CRISP1: variants seen among roughly 807,000 people sequenced by gnomAD.
CRISP1 encodes the protein cysteine-rich secretory protein 1.
Under a neutral mutation model 33.1 loss-of-function variants are expected in CRISP1, and 44 were observed. The ratio of observed to expected loss-of-function variants is 1.33; its 90% CI spans 1.05 to 1.71. CRISP1 has a LOEUF of 1.71. CRISP1 is among the 40% of genes most tolerant of loss of function. The probability of loss-of-function intolerance (pLI) is 0.00; values close to 1 mark genes in which losing one functional copy is unlikely to be tolerated. For synonymous variants in CRISP1, 103 were observed against 98.7 expected (o/e 1.04, Z -0.26); for missense variants, 390 against 301.2 (o/e 1.29, Z -2.18).
upstream of CRISP1, among the ~76,000 whole-genome samples, chr6:49,867,203 C>T (rs1357759165): frequency 6.6e-6 from 1 of 151,984 alleles, no homozygotes; most frequent in African/African-American, 2.4e-5. Flanking sequence ...TCACAGGACA[C>T]TTAGAACAAA....
In CRISP1 at chr6:49,857,365, A is replaced by G. The variant is rs1023970420; in HGVS notation, c.36T>C (p.Ala12=). The G allele has an allele frequency of 1.2e-5, 19 of 1,613,074 alleles. No individual in the cohort carries two copies. The Admixed American group carries it at 3.0e-4, about 25-fold the overall frequency. The change falls in exon 2 of 8, where the codon GCT becomes GCC. Residue 12 remains alanine (A), a synonymous_variant. Coordinates refer to ENST00000335847, the MANE Select transcript of CRISP1 (RefSeq NM_001131.3). The part of the protein sequence containing the change: ...EIKHLLFLVA[A]ACLLPMLSMK... ...TGGACAACATAGGCAGTAAGCAAGC[A>G]GCAGCAACCAAAAACAAGAGGTGTT...
At chr6:49,844,933 G>T (rs555907935) in intron 5 of CRISP1, among the ~76,000 whole-genome samples, 1 of 152,066 alleles carries the variant, frequency 6.6e-6, no homozygotes, top group African/African-American at 2.4e-5. Flanking sequence ...TAATATTTAG[G>T]TAAGACTTTG....
chr6:49,874,581 T>TCC (rs1771993770), intron 1 of CRISP1, among the ~76,000 whole-genome samples: 1 of 151,996 alleles, frequency 6.6e-6, no homozygotes, highest in Non-Finnish European at 1.5e-5. Flanking sequence ...ATACCAAAAA[T>TCC]TTGGTAGAGA....
intron 1 of CRISP1, among the ~76,000 whole-genome samples, chr6:49,862,450 GTT>G (rs954322623): frequency 6.6e-6 from 1 of 151,492 alleles, no homozygotes; most frequent in Non-Finnish European, 1.5e-5. Flanking sequence ...TTTACATATA[GTT>G]TTTTTTGTCA....
At chr6:49,866,955 G>C (rs991836124), upstream of CRISP1, among the ~76,000 whole-genome samples, 2 of 152,090 alleles carry the variant, frequency 1.3e-5, no homozygotes, top group Non-Finnish European at 2.9e-5. Flanking sequence ...TTTGGTAACT[G>C]TTCTATAATG....
chr6:49,860,236 C>G (rs1007963347), intron 1 of CRISP1, among the ~76,000 whole-genome samples: 1 of 152,104 alleles, frequency 6.6e-6, no homozygotes, highest in Non-Finnish European at 1.5e-5. Context: ...AACAAAGAAA[C>G]ATTGGATTTA....
chr6:49,845,212 G>T (rs1311807193), intron 5 of CRISP1, among the ~76,000 whole-genome samples: 2 of 152,100 alleles, frequency 1.3e-5, no homozygotes, highest in Non-Finnish European at 2.9e-5. Flanking sequence ...TAGGATTTGT[G>T]TCCTTACATG....
At chr6:49,836,418 C>T (rs1770795479) in intron 7 of CRISP1, among the ~76,000 whole-genome samples, 1 of 151,336 alleles carries the variant, frequency 6.6e-6, no homozygotes, top group Non-Finnish European at 1.5e-5. Context: ...TCACTGCAAG[C>T]TCTGCCTCCC....
intron 1 of CRISP1, among the ~76,000 whole-genome samples, chr6:49,862,655 C>T (rs1220609349): frequency 6.6e-6 from 1 of 151,986 alleles, no homozygotes; most frequent in Non-Finnish European, 1.5e-5. Flanking sequence ...TGCATGTTGG[C>T]ATATCCAATG....
intron 1 of CRISP1, among the ~76,000 whole-genome samples, chr6:49,862,315 A>C (rs987120024): frequency 2.0e-5 from 3 of 152,148 alleles, no homozygotes; most frequent in Non-Finnish European, 4.4e-5. Context: ...AAAAACTCTT[A>C]TGAAAGAAAT....
At chr6:49,844,753 C>T (rs951692181) in intron 5 of CRISP1, among the ~76,000 whole-genome samples, 1 of 152,170 alleles carries the variant, frequency 6.6e-6, no homozygotes, top group Admixed American at 6.5e-5. Flanking sequence ...TTGCCTGGGA[C>T]CCATTGCTGC....
intron 1 of CRISP1, among the ~76,000 whole-genome samples, chr6:49,860,857 C>T (rs555107322): frequency 3.5e-4 from 53 of 151,388 alleles, no homozygotes; most frequent in African/African-American, 1.2e-3. Context: ...ACCAATAGGC[C>T]GAGTAACCAA....
intron 1 of CRISP1, among the ~76,000 whole-genome samples, chr6:49,861,973 T>C (rs1015552354): frequency 2.0e-5 from 3 of 152,118 alleles, no homozygotes; most frequent in Non-Finnish European, 4.4e-5. Context: ...GCTGAATGTC[T>C]TTTCTCTAAG....
chr6:49,836,849 A>G (rs907293392), intron 7 of CRISP1, among the ~76,000 whole-genome samples: 11 of 152,140 alleles, frequency 7.2e-5, no homozygotes, highest in Non-Finnish European at 1.3e-4. Flanking sequence ...TTGATAGTGT[A>G]TCTCTGCTTC....
At chr6:49,838,944 C>A (rs1770893671) in intron 6 of CRISP1, among the ~76,000 whole-genome samples, 1 of 152,134 alleles carries the variant, frequency 6.6e-6, no homozygotes, top group African/African-American at 2.4e-5. Flanking sequence ...AGAAGAAAAT[C>A]TCAAGTGAGG....
intron 2 of CRISP1, among the ~76,000 whole-genome samples, chr6:49,855,291 A>ATT (rs1771464153): frequency 6.6e-6 from 1 of 152,124 alleles, no homozygotes; most frequent in Non-Finnish European, 1.5e-5. Flanking sequence ...CGGAGTAAAA[A>ATT]TTTTAAAACA....
rs1345083673 is a variant in CRISP1, at chr6:49,834,750, A to G, written c.*566T>C. ...AATTAATGGCATACGAAGCTTTTTT[A>G]TTGTTTCTTGCTTCACAAATGTATA... On this transcript the variant is annotated 3_prime_UTR_variant, in exon 8 of 8. Transcript: ENST00000335847. 1 of 152,178 alleles carries G rather than the reference A, an allele frequency of 6.6e-6. No homozygotes were observed. The highest frequency in any genetic ancestry group is 1.5e-5 in the Non-Finnish European group (1 of 68,038). The allele number at this position is 152,178 out of a possible 1,614,324, so 9.4% of individuals were successfully genotyped here.
At chr6:49,865,409 A>G (rs907886427) in intron 1 of CRISP1, among the ~76,000 whole-genome samples, 1 of 152,190 alleles carries the variant, frequency 6.6e-6, no homozygotes, top group African/African-American at 2.4e-5. Context: ...TGTGCAAACT[A>G]TCATATTTGT....
chr6:49,852,181 C>T (rs747511648), intron 2 of CRISP1, 52 bp from the exon 3 acceptor site: 2 of 1,580,612 alleles, frequency 1.3e-6, no homozygotes, highest in Non-Finnish European at 1.7e-6. Flanking sequence ...TGGAATTTGT[C>T]ACATATATTT....
Sources: allele counts gnomAD v4.1 joint callset (sites outside exome capture counted in the v4.1 genomes callset), GRCh38; gene constraint gnomAD v4.1.1; transcripts MANE v1.5; gene names NCBI Gene and HGNC (gene_info 2026-07-23, HGNC 2026-07-21).